Variants in DIAPH2 observed in about 807,000 individuals in gnomAD.
DIAPH2 encodes the protein protein diaphanous homolog 2.
Under a neutral mutation model 92.7 loss-of-function variants are expected in DIAPH2, and 35 were observed. That is an observed-to-expected ratio of 0.38 (90% CI 0.29 to 0.50). The LOEUF (loss-of-function observed/expected upper bound fraction) is 0.50, where lower values mean the gene tolerates loss of function less well. Ranked by LOEUF, DIAPH2 falls within the 20% of genes least tolerant of loss-of-function variation. DIAPH2 has a pLI of 0.94. For synonymous variants in DIAPH2, 301 were observed against 280.4 expected, an observed-to-expected ratio of 1.07 and a Z score of -0.73; for missense variants, 701 against 819.5, an observed-to-expected ratio of 0.86 and a Z score of 1.77.
intron 9 of DIAPH2, 21 bp from the exon 10 acceptor site, chrX:96,930,712 A>G (rs1266440293): frequency 3.4e-6 from 4 of 1,169,140 alleles, no homozygotes; most frequent in East Asian, 3.0e-5. Context: ...TTTTAAAACA[A>G]AATTTGCTTT....
intron 1 of DIAPH2, among the ~76,000 whole-genome samples, chrX:96,725,608 T>C (rs1315875714): frequency 9.0e-6 from 1 of 111,598 alleles, no homozygotes; most frequent in Non-Finnish European, 1.9e-5. Flanking sequence ...TTCTTATGGG[T>C]TAACGCCTTT....
At chrX:96,774,082 G>A (rs2064358990) in intron 4 of DIAPH2, among the ~76,000 whole-genome samples, 2 of 111,680 alleles carry the variant, frequency 1.8e-5, no homozygotes, top group African/African-American at 6.5e-5. Flanking sequence ...CAAGCTTCAT[G>A]TAAAACCTAA....
chrX:97,516,209 C>G (rs760341109), intron 26 of DIAPH2, among the ~76,000 whole-genome samples: 1 of 109,622 alleles, frequency 9.1e-6, no homozygotes, highest in Non-Finnish European at 1.9e-5. Context: ...GAGCCGAGAT[C>G]GCGCCACTGC....
rs746549013 is a variant in DIAPH2 at position 97,464,230 on chromosome X, C to T, written c.3241+34485C>T. The stretch of plus-strand genomic sequence containing the variant: ...CTGTAATCCCAGCACTTTGGGAGGC[C>T]GAGGCGGGCAGATCACAAGGTCAGA... On this transcript the variant is annotated intron_variant, in intron 26 of 26. Transcript: ENST00000324765. Among the ~76,000 whole-genome samples, 6 of 95,144 alleles carry T rather than the reference C, an allele frequency of 6.3e-5. No homozygotes were observed. In the South Asian group the frequency reaches 3.0e-3, roughly 48 times the overall value. 82.6% of individuals were successfully genotyped at this position (95,144 alleles called of 115,157 possible). A position where few individuals can be genotyped will look rare whatever the true frequency, so the allele number is the denominator to read the frequency against.
chrX:97,230,670 C>G (rs1679847036), intron 22 of DIAPH2, among the ~76,000 whole-genome samples: 1 of 111,984 alleles, frequency 8.9e-6, no homozygotes, highest in Non-Finnish European at 1.9e-5. Context: ...TTCTCAGCCT[C>G]CCAAGTAGCT....
intron 21 of DIAPH2, among the ~76,000 whole-genome samples, chrX:97,120,672 A>G (rs2067051176): frequency 1.1e-5 from 1 of 89,493 alleles, no homozygotes; most frequent in African/African-American, 4.5e-5. Flanking sequence ...AGTATATACT[A>G]TATATAGCCC....
chrX:96,896,494 A>G (rs2065345494), intron 5 of DIAPH2, among the ~76,000 whole-genome samples: 1 of 111,924 alleles, frequency 8.9e-6, no homozygotes, highest in Non-Finnish European at 1.9e-5. Flanking sequence ...AAATGGAGTA[A>G]CTTATTTTAT....
intron 4 of DIAPH2, among the ~76,000 whole-genome samples, chrX:96,782,066 T>C (rs185090776): frequency 1.5e-3 from 165 of 112,239 alleles, no homozygotes; most frequent in African/African-American, 4.9e-3. Context: ...TTTAATACTA[T>C]ATAAACCTCA....
At chrX:97,466,405 C>A (rs1409655278) in intron 26 of DIAPH2, among the ~76,000 whole-genome samples, 1 of 111,289 alleles carries the variant, frequency 9.0e-6, no homozygotes, top group Non-Finnish European at 1.9e-5. Flanking sequence ...TACAAATACC[C>A]AGTTAAATCT....
intron 23 of DIAPH2, among the ~76,000 whole-genome samples, chrX:97,261,498 G>A (rs775227979): frequency 9.0e-5 from 10 of 111,162 alleles, no homozygotes; most frequent in Non-Finnish European, 1.9e-4. Flanking sequence ...TAATGTTATC[G>A]GGAATAAGGT....
chrX:97,258,831 A>C (rs1258032246), intron 23 of DIAPH2, among the ~76,000 whole-genome samples: 1 of 94,681 alleles, frequency 1.1e-5, no homozygotes, highest in Non-Finnish European at 2.0e-5. Context: ...AGATCACGCC[A>C]CTGCACTCCA....
intron 26 of DIAPH2, among the ~76,000 whole-genome samples, chrX:97,497,310 G>T (rs1240086507): frequency 9.0e-6 from 1 of 110,784 alleles, no homozygotes; most frequent in Non-Finnish European, 1.9e-5. Context: ...AGATAAAATG[G>T]AGTTGGCACT....
chrX:97,518,494 ATGTATGTGTG>A (rs1038882611), intron 26 of DIAPH2, among the ~76,000 whole-genome samples: 1 of 109,864 alleles, frequency 9.1e-6, no homozygotes, highest in Non-Finnish European at 1.9e-5. Context: ...ATATATATGT[ATGTATGTGTG>A]TGTATGTGTG....
At chrX:97,106,316 A>G (rs755569881) in intron 20 of DIAPH2, among the ~76,000 whole-genome samples, 6 of 111,588 alleles carry the variant, frequency 5.4e-5, no homozygotes, top group African/African-American at 1.9e-4. Flanking sequence ...ATTTTATCTG[A>G]GGAAAAAGCT....
chrX:97,566,166 T>C (rs1392642607), intron 26 of DIAPH2, among the ~76,000 whole-genome samples: 1 of 112,121 alleles, frequency 8.9e-6, no homozygotes, highest in Non-Finnish European at 1.9e-5. Flanking sequence ...TTAAGAATAA[T>C]TTGGAAAATG....
intron 3 of DIAPH2, among the ~76,000 whole-genome samples, chrX:96,741,530 C>T (rs1018063943): frequency 7.7e-5 from 8 of 103,447 alleles, no homozygotes; most frequent in African/African-American, 2.9e-4. Context: ...GGCTGGAGTG[C>T]AGTGGCATAA....
chrX:97,262,691 T>C (rs768966111), intron 23 of DIAPH2, among the ~76,000 whole-genome samples: 1 of 111,585 alleles, frequency 9.0e-6, no homozygotes, highest in Admixed American at 9.6e-5. Flanking sequence ...GATGTAGATA[T>C]GTGAGCCTAG....
At chrX:97,254,492 CAAAAAAAAA>C (rs1172020847) in intron 23 of DIAPH2, among the ~76,000 whole-genome samples, 2 of 29,060 alleles carry the variant, frequency 6.9e-5, no homozygotes, top group African/African-American at 2.3e-4. Context: ...AACTCTGTCT[CAAAAAAAAA>C]AAAAAAAAAA....
chrX:97,011,847 G>A (rs1022430645), intron 17 of DIAPH2, among the ~76,000 whole-genome samples: 3 of 84,459 alleles, frequency 3.6e-5, no homozygotes, highest in East Asian at 3.8e-4. Context: ...AGCCGAGATC[G>A]CATCACTGCA....
Sources: gnomAD v4.1 joint callset for allele counts (sites outside exome capture counted in the v4.1 genomes callset) on GRCh38, gnomAD v4.1.1 for gene constraint, MANE v1.5 for transcripts, NCBI Gene and HGNC (gene_info 2026-07-23, HGNC 2026-07-21) for gene names.